The following CHD2 variants were observed in gnomAD, a reference collection of about 807,000 sequenced individuals.
CHD2 encodes the protein chromodomain helicase DNA binding protein 2.
A neutral mutation model predicts 243.9 loss-of-function variants in CHD2; 28 were observed. The observed-to-expected ratio is 0.11, with a 90% CI of 0.09 to 0.16. The LOEUF (loss-of-function observed/expected upper bound fraction) is 0.16. CHD2 is among the 10% of genes least tolerant of loss of function. CHD2 has a pLI of 1.00. For synonymous variants in CHD2, 775 were observed against 779.0 expected, an observed-to-expected ratio of 0.99 and a Z score of 0.09; for missense variants, 1,386 against 2,209.8, an observed-to-expected ratio of 0.63 and a Z score of 7.47.
At position 93,014,746 on chromosome 15, in the gene CHD2, A is replaced by G. The variant is rs770538567; in HGVS notation, c.4743A>G (p.Pro1581=). The G allele has an allele frequency of 6.2e-7, 1 of 1,614,220 alleles. No individual in the cohort carries two copies. ...DVTGGKKPFR[P]EASGSSRDSL... ...CTGGGGGTAAGAAACCATTTCGTCC[A>G]GAGGCCTCAGGCTCCAGCCGGGACT... Residue 1581 remains proline, a synonymous_variant, in exon 37 of 39, where the codon CCA becomes CCG. Transcript: ENST00000394196.
At chr15:92,959,224 A>C (rs2053654604) in intron 16 of CHD2, among the ~76,000 whole-genome samples, 1 of 152,196 alleles carries the variant, frequency 6.6e-6, no homozygotes, top group South Asian at 2.1e-4. Context: ...TTTTGTATTA[A>C]GTCAGAGTTA....
At chr15:92,915,110 C>T (rs2052809354) in intron 2 of CHD2, 1 of 152,256 alleles carries the variant, frequency 6.6e-6, no homozygotes, top group African/African-American at 2.4e-5. Context: ...TTCTGTTTAA[C>T]ACTGGAAGGA....
chr15:92,952,169 T>A (rs2053562379), intron 13 of CHD2, among the ~76,000 whole-genome samples: 1 of 152,228 alleles, frequency 6.6e-6, no homozygotes, highest in Non-Finnish European at 1.5e-5. Flanking sequence ...CAATTTTAAA[T>A]GTTTTTCTTA....
chr15:92,920,248 TAGAA>T (rs938226114), intron 2 of CHD2, among the ~76,000 whole-genome samples: 2 of 152,064 alleles, frequency 1.3e-5, no homozygotes, highest in Non-Finnish European at 2.9e-5. Context: ...AGAAGATACG[TAGAA>T]AGAAAGATAT....
intron 2 of CHD2, chr15:92,904,961 T>C (rs2052592109): frequency 6.5e-7 from 1 of 1,536,084 alleles, no homozygotes; most frequent in South Asian, 1.2e-5. Flanking sequence ...GCGTTTTTAC[T>C]TGGTACCGTA....
chr15:92,979,463 A>AC (rs1280630239), intron 22 of CHD2, among the ~76,000 whole-genome samples, 180 bp downstream of exon 22: 1 of 151,102 alleles, frequency 6.6e-6, no homozygotes, highest in Admixed American at 6.6e-5. Context: ...TTTGCCCATC[A>AC]CCCCCCTTCT....
At chr15:92,993,803 GA>G (rs928784116) in intron 28 of CHD2, among the ~76,000 whole-genome samples, 1 of 151,952 alleles carries the variant, frequency 6.6e-6, no homozygotes, top group African/African-American at 2.4e-5. Flanking sequence ...AAAATTAGCC[GA>G]AAGTAGTAGG....
intron 26 of CHD2, among the ~76,000 whole-genome samples, chr15:92,989,025 C>CTTTTT (rs34298248): frequency 3.9e-4 from 30 of 76,504 alleles, no homozygotes; most frequent in African/African-American, 9.6e-4. Flanking sequence ...ATACTTCATA[C>CTTTTT]TTTTTTTTTT....
chr15:93,001,049 A>AGTAG (rs2054249181), intron 32 of CHD2, among the ~76,000 whole-genome samples: 1 of 152,140 alleles, frequency 6.6e-6, no homozygotes, highest in South Asian at 2.1e-4. Context: ...TTGTATTGTA[A>AGTAG]GTAGAGATGG....
chr15:93,018,831 T>C (rs1259777587), intron 37 of CHD2, among the ~76,000 whole-genome samples: 1 of 152,234 alleles, frequency 6.6e-6, no homozygotes, highest in East Asian at 1.9e-4. Context: ...ATGCCTGTCC[T>C]GGAATTTGTA....
intron 12 of CHD2, among the ~76,000 whole-genome samples, chr15:92,948,676 A>G (rs545130119): frequency 1.3e-5 from 2 of 152,242 alleles, no homozygotes; most frequent in East Asian, 3.9e-4. Flanking sequence ...TACTAAAAAT[A>G]CAAAAATAGC....
At chr15:92,915,174 T>C (rs2052810683) in intron 2 of CHD2, among the ~76,000 whole-genome samples, 2 of 152,146 alleles carry the variant, frequency 1.3e-5, no homozygotes, top group African/African-American at 4.8e-5. Context: ...TGCTGAATCC[T>C]GGGGAGGGGC....
chr15:92,945,642 C>A, intron 10 of CHD2, 179 bp from the exon 11 acceptor site: 1 of 348,006 alleles, frequency 2.9e-6, no homozygotes, highest in Non-Finnish European at 5.4e-6. Flanking sequence ...AAGCAATCTG[C>A]CTGCCTTGGC....
At chr15:92,924,883 C>T (rs1417588317) in intron 3 of CHD2, among the ~76,000 whole-genome samples, 1 of 152,122 alleles carries the variant, frequency 6.6e-6, no homozygotes, top group East Asian at 1.9e-4. Context: ...TCACTGCAAT[C>T]TCCGCCTCCC....
At chr15:92,999,051 T>C (rs7179863) in intron 31 of CHD2, among the ~76,000 whole-genome samples, 51,903 of 133,642 alleles carry the variant, frequency 0.39, 10,392 homozygotes, top group East Asian at 0.81. Context: ...GCCACTGCAC[T>C]CCGGCCTGGG....
chr15:92,954,372 C>T (rs1420748142), intron 14 of CHD2: 1 of 152,190 alleles, frequency 6.6e-6, no homozygotes. Context: ...GCTCTTTCAT[C>T]ACTGTATATA....
At chr15:92,948,257 T>C (rs187697244) in intron 12 of CHD2, among the ~76,000 whole-genome samples, 40 of 152,278 alleles carry the variant, frequency 2.6e-4, no homozygotes, top group African/African-American at 9.6e-4. Flanking sequence ...AATCCTGTTA[T>C]GGTGAAGATC....
intron 1 of CHD2, 113 bp downstream of exon 1, chr15:92,900,937 T>C (rs965140679): frequency 2.3e-6 from 1 of 431,898 alleles, no homozygotes; most frequent in African/African-American, 2.1e-5. Flanking sequence ...GAGATTGTTA[T>C]TTGTATCTAG....
chr15:92,908,328 G>A (rs1339184635), intron 2 of CHD2, among the ~76,000 whole-genome samples: 4 of 152,082 alleles, frequency 2.6e-5, no homozygotes, highest in Non-Finnish European at 5.9e-5. Context: ...CTAAACCATA[G>A]GACTATATAT....
Sources: allele counts gnomAD v4.1 joint callset (sites outside exome capture counted in the v4.1 genomes callset), GRCh38; gene constraint gnomAD v4.1.1; transcripts MANE v1.5; gene names NCBI Gene and HGNC (gene_info 2026-07-23, HGNC 2026-07-21).